SV2C: variants seen among roughly 807,000 people sequenced by gnomAD.
SV2C encodes solute carrier family 22 member B3.
A neutral mutation model predicts 79.7 loss-of-function variants in SV2C; 49 were observed. The ratio of observed to expected loss-of-function variants is 0.61; its 90% confidence interval spans 0.49 to 0.78. The LOEUF (loss-of-function observed/expected upper bound fraction) is 0.78. Among genes scored for constraint, SV2C ranks in the 30% least tolerant of loss-of-function variants. The pLI, the probability that SV2C is intolerant of heterozygous loss-of-function variation, is 0.00. For missense variants in SV2C, 833 were observed against 912.9 expected (o/e 0.91, Z 1.13); for synonymous variants, 334 against 333.2 (o/e 1.00, Z -0.03).
the SV2C span, among the ~76,000 whole-genome samples, chr5:75,896,919 GT>G: frequency 2.8e-5 from 4 of 145,004 alleles, no homozygotes; most frequent in African/African-American, 8.5e-5. Flanking sequence ...GGGGTTGTTT[GT>G]TTTTTTCTTG....
At chr5:75,938,814 AT>A in the SV2C span, among the ~76,000 whole-genome samples, 1 of 152,202 alleles carries the variant, frequency 6.6e-6, no homozygotes, top group South Asian at 2.1e-4. Flanking sequence ...AAAAAGTAAC[AT>A]GTTTCTAACT....
intron 1 of SV2C, among the ~76,000 whole-genome samples, chr5:76,084,445 GC>G (rs1331280945): frequency 3.3e-5 from 5 of 152,102 alleles, no homozygotes. Flanking sequence ...CGCGGGGAGC[GC>G]CCCGGGCTGG....
In SV2C at chr5:76,333,550, CTGTG is replaced by C. The variant is rs1485631422; in HGVS notation, c.*8005_*8008del. 2 of 152,262 alleles carry C rather than the reference CTGTG, an allele frequency of 1.3e-5. No homozygotes were observed. The highest frequency in any genetic ancestry group is 4.8e-5 in the African/African-American group (2 of 41,542). The allele number at this position is 152,262 out of a possible 1,614,324, so 9.4% of individuals were successfully genotyped here. On this transcript the variant is annotated 3_prime_UTR_variant, in exon 13 of 13. Coordinates refer to ENST00000502798, the MANE Select transcript of SV2C (RefSeq NM_014979.4). ...TTTTTTATTCTTCCTGTTTTTAATG[CTGTG>C]TAAGATCTCCTGCTATGAATGTTCC... is the stretch of plus-strand genomic sequence containing the variant.
At chr5:76,023,229 C>T in the SV2C span, among the ~76,000 whole-genome samples, 4 of 152,078 alleles carry the variant, frequency 2.6e-5, no homozygotes, top group Non-Finnish European at 5.9e-5. Context: ...AGCATTGTTC[C>T]CAGCTTTCAA....
chr5:76,002,596 A>G, the SV2C span, among the ~76,000 whole-genome samples: 7 of 152,196 alleles, frequency 4.6e-5, no homozygotes, highest in African/African-American at 1.4e-4. Context: ...TAAGTTGTTT[A>G]TATACATTTT....
At chr5:76,069,553 C>T in the SV2C span, among the ~76,000 whole-genome samples, 1 of 152,192 alleles carries the variant, frequency 6.6e-6, no homozygotes, top group African/African-American at 2.4e-5. Flanking sequence ...GCTTATCCCT[C>T]CACTTGTCAT....
the SV2C span, among the ~76,000 whole-genome samples, chr5:76,029,867 T>C: frequency 6.6e-6 from 1 of 152,200 alleles, no homozygotes; most frequent in African/African-American, 2.4e-5. Flanking sequence ...CTGGCATCTT[T>C]TAGTAAGAGC....
chr5:75,855,419 A>C, the SV2C span, among the ~76,000 whole-genome samples: 1 of 151,942 alleles, frequency 6.6e-6, no homozygotes, highest in East Asian at 1.9e-4. Context: ...ATTCTTAAGG[A>C]TTTTCTACAT....
intron 11 of SV2C, 81 bp downstream of exon 11, chr5:76,301,013 A>G: frequency 2.0e-6 from 3 of 1,465,888 alleles, no homozygotes; most frequent in African/African-American, 1.4e-5. Flanking sequence ...ACTCCCATCT[A>G]TTAGGGATTT....
At chr5:75,977,446 G>A in the SV2C span, among the ~76,000 whole-genome samples, 3 of 152,166 alleles carry the variant, frequency 2.0e-5, no homozygotes, top group Admixed American at 6.5e-5. Context: ...CACTTCCTCT[G>A]CTCAGTTCAC....
the SV2C span, among the ~76,000 whole-genome samples, chr5:76,050,397 G>T: frequency 6.6e-6 from 1 of 152,090 alleles, no homozygotes; most frequent in African/African-American, 2.4e-5. Flanking sequence ...GAAAATCCTT[G>T]GTGTTATCTC....
rs758429015 is a variant in SV2C, at chr5:76,285,873, G to A, written c.1137+3G>A. On this transcript the variant is annotated splice_donor_region_variant and intron_variant, in intron 6 of 12. Coordinates refer to ENST00000502798, the MANE Select transcript of SV2C (RefSeq NM_014979.4). ...GTCAGCCTGAGAAGGTCTTCACGGT[G>A]AGTCTTCTCCCCAGAGAATCCTCAA... 2 of 1,613,102 alleles carry A rather than the reference G, an allele frequency of 1.2e-6. No homozygotes were observed. The highest frequency in any genetic ancestry group is 4.5e-5 in the East Asian group (2 of 44,866).
chr5:76,162,737 A>C (rs1004745657), intron 2 of SV2C, among the ~76,000 whole-genome samples: 1 of 152,208 alleles, frequency 6.6e-6, no homozygotes, highest in African/African-American at 2.4e-5. Flanking sequence ...TGGGCCCTGG[A>C]ATGTTTCATG....
At chr5:76,035,017 T>C in the SV2C span, among the ~76,000 whole-genome samples, 1 of 152,174 alleles carries the variant, frequency 6.6e-6, no homozygotes, top group Non-Finnish European at 1.5e-5. Context: ...TTCTTCTAGA[T>C]TTTCTAGTTT....
the SV2C span, among the ~76,000 whole-genome samples, chr5:76,075,206 G>T: frequency 2.0e-5 from 3 of 152,094 alleles, no homozygotes; most frequent in Admixed American, 2.0e-4. Context: ...AGTTCTATAT[G>T]TCACATTCAA....
At chr5:76,175,457 G>C (rs71630905) in intron 2 of SV2C, among the ~76,000 whole-genome samples, 15,403 of 152,176 alleles carry the variant, frequency 0.1, 934 homozygotes, top group Non-Finnish European at 0.13. Flanking sequence ...AATGGACACA[G>C]AATCTAACAG....
chr5:75,869,821 C>T, the SV2C span, among the ~76,000 whole-genome samples: 13 of 152,150 alleles, frequency 8.5e-5, no homozygotes, highest in South Asian at 2.1e-4. Flanking sequence ...AGAGAGATTC[C>T]GTTTGTTTGG....
chr5:75,873,480 G>A, the SV2C span, among the ~76,000 whole-genome samples: 26 of 152,098 alleles, frequency 1.7e-4, no homozygotes, highest in Admixed American at 1.6e-3. Context: ...AATGTAAGTA[G>A]CATATTCTTT....
upstream of SV2C, among the ~76,000 whole-genome samples, chr5:76,080,987 CA>C (rs1162721582): frequency 1.3e-5 from 2 of 152,306 alleles, no homozygotes; most frequent in Admixed American, 1.3e-4. Context: ...CATCATGACA[CA>C]ATGTTTCATG....
Sources: gnomAD v4.1 joint callset for allele counts (sites outside exome capture counted in the v4.1 genomes callset) on GRCh38, gnomAD v4.1.1 for gene constraint, MANE v1.5 for transcripts, NCBI Gene and HGNC (gene_info 2026-07-23, HGNC 2026-07-21) for gene names.